Variants in PHACTR4 observed in about 807,000 individuals in gnomAD.
The protein encoded by PHACTR4 is protein phosphatase 1, regulatory subunit 124.
In PHACTR4, 51 loss-of-function variants were observed where a neutral mutation model predicts 72.7. The observed-to-expected ratio is 0.70, with a 90% confidence interval of 0.56 to 0.89. PHACTR4 has a LOEUF of 0.89. Among genes scored for constraint, PHACTR4 ranks in the 40% least tolerant of loss-of-function variants. The pLI, the probability that PHACTR4 is intolerant of heterozygous loss-of-function variation, is 0.00. For missense variants in PHACTR4, 731 were observed against 861.8 expected (o/e 0.85, Z 1.90); for synonymous variants, 255 against 302.5 (o/e 0.84, Z 1.63).
At chr1:28,461,834 T>G (rs1658825474) in intron 4 of PHACTR4, among the ~76,000 whole-genome samples, 1 of 149,756 alleles carries the variant, frequency 6.7e-6, no homozygotes, top group Non-Finnish European at 1.5e-5. Flanking sequence ...CCAGGTGCTA[T>G]GCGATGTTTT....
At chr1:28,375,798 G>A (rs1049827435) in intron 1 of PHACTR4, among the ~76,000 whole-genome samples, 3 of 152,154 alleles carry the variant, frequency 2.0e-5, no homozygotes, top group African/African-American at 7.2e-5. Context: ...GGCCAGGCGC[G>A]GTGGCTCACG....
At chr1:28,489,004 G>A (rs1660875240) in intron 9 of PHACTR4, among the ~76,000 whole-genome samples, 166 bp from the exon 10 acceptor site, 1 of 152,132 alleles carries the variant, frequency 6.6e-6, no homozygotes, top group African/African-American at 2.4e-5. Flanking sequence ...CACTTTTAAT[G>A]TGAAATTGTT....
intron 2 of PHACTR4, among the ~76,000 whole-genome samples, chr1:28,456,888 A>G (rs1476146957): frequency 6.8e-6 from 1 of 146,908 alleles, no homozygotes; most frequent in Admixed American, 7.2e-5. Flanking sequence ...CCCTGTCTCT[A>G]AAATAACTAG....
rs550379532 is a variant in PHACTR4, at chr1:28,407,078, T to C, written c.-38-332T>C. 3.3e-5 allele frequency among the ~76,000 whole-genome samples: 5 copies of C among 152,228 alleles called. No individual in the cohort carries two copies. The South Asian group carries it at 1.0e-3, about 32-fold the overall frequency. ...TATATTTTAAGACAAAAATTAGCCT[T>C]AAATGTTTTATGATAATCTAGTATT... is the stretch of plus-strand genomic sequence containing the variant. On this transcript the variant is annotated intron_variant, in intron 1 of 13. Transcript: ENST00000373839.
At chr1:28,439,650 T>A (rs1656858417) in intron 2 of PHACTR4, among the ~76,000 whole-genome samples, 1 of 152,152 alleles carries the variant, frequency 6.6e-6, no homozygotes, top group South Asian at 2.1e-4. Flanking sequence ...ATATAAAGAA[T>A]CATCTGGGGC....
At chr1:28,478,185 G>A (rs34532547) in intron 8 of PHACTR4, among the ~76,000 whole-genome samples, 14,423 of 152,098 alleles carry the variant, frequency 0.095, 1,529 homozygotes, top group African/African-American at 0.26. Context: ...TTCACTTAAC[G>A]TAATTGTCCT....
At chr1:28,487,722 TTGTTG>T (rs1660769884) in intron 9 of PHACTR4, among the ~76,000 whole-genome samples, 1 of 114,276 alleles carries the variant, frequency 8.8e-6, no homozygotes, top group African/African-American at 3.7e-5. Context: ...TTGTAGTTTT[TTGTTG>T]TTTTTTTTTT....
intron 2 of PHACTR4, among the ~76,000 whole-genome samples, chr1:28,450,328 C>A (rs1657850989): frequency 6.6e-6 from 1 of 151,072 alleles, no homozygotes; most frequent in Non-Finnish European, 1.5e-5. Context: ...AGAATGGGGC[C>A]ATAGGCCATT....
rs939301762 is a variant in PHACTR4 at position 28,498,004 on chromosome 1, A to T, written c.*1455A>T. Reference sequence around the variant, plus strand: ...GAGCGAGACTCCGTCTCAAAAAAAAAAAAAAAGCCTTAATATTAATGCTAA... The same window carrying T: ...GAGCGAGACTCCGTCTCAAAAAAAATAAAAAAGCCTTAATATTAATGCTAA... On this transcript the variant is annotated 3_prime_UTR_variant, in exon 14 of 14. Transcript: ENST00000373839. 1.3e-5 allele frequency: 2 copies of T among 152,170 alleles called. No homozygotes were observed. The highest frequency in any genetic ancestry group is 2.9e-5 in the Non-Finnish European group (2 of 68,052). 9.4% of individuals were successfully genotyped at this position (152,170 alleles called of 1,614,324 possible). A position where few individuals can be genotyped will look rare whatever the true frequency, so the allele number is the denominator to read the frequency against.
At chr1:28,401,661 C>T (rs956057111) in intron 1 of PHACTR4, among the ~76,000 whole-genome samples, 7 of 151,794 alleles carry the variant, frequency 4.6e-5, no homozygotes, top group Admixed American at 6.6e-5. Flanking sequence ...GCTGGAGTGC[C>T]GTGGTGCAGT....
intron 2 of PHACTR4, among the ~76,000 whole-genome samples, chr1:28,415,260 CA>C (rs535288012): frequency 1.4e-3 from 153 of 110,276 alleles, no homozygotes; most frequent in Non-Finnish European, 1.6e-3. Context: ...GACTCTGTCT[CA>C]AAAAAAAAAA....
chr1:28,424,441 G>C (rs1214506598), intron 2 of PHACTR4, among the ~76,000 whole-genome samples: 1 of 151,994 alleles, frequency 6.6e-6, no homozygotes, highest in East Asian at 1.9e-4. Flanking sequence ...ACAGGTGTGA[G>C]CCACCATATC....
intron 9 of PHACTR4, among the ~76,000 whole-genome samples, chr1:28,488,395 G>C (rs1223419394): frequency 4.6e-5 from 7 of 152,180 alleles, no homozygotes; most frequent in Non-Finnish European, 8.8e-5. Context: ...TACTTGGAAG[G>C]CTGAGGCAGG....
chr1:28,462,349 G>T (rs1042519239), intron 4 of PHACTR4, among the ~76,000 whole-genome samples: 1 of 151,580 alleles, frequency 6.6e-6, no homozygotes, highest in Admixed American at 6.6e-5. Context: ...ACTTTCCATG[G>T]CCTTTCTTTT....
intron 2 of PHACTR4, among the ~76,000 whole-genome samples, chr1:28,422,055 T>C (rs1655544516): frequency 6.6e-6 from 1 of 152,200 alleles, no homozygotes; most frequent in African/African-American, 2.4e-5. Context: ...CATTTTCAGC[T>C]CTCAAAGAGG....
At chr1:28,399,839 C>T (rs948574039) in intron 1 of PHACTR4, among the ~76,000 whole-genome samples, 2 of 152,172 alleles carry the variant, frequency 1.3e-5, no homozygotes, top group African/African-American at 2.4e-5. Flanking sequence ...AAAGGCCTCT[C>T]TGAGGGAGTC....
chr1:28,385,900 C>G (rs560761073), intron 1 of PHACTR4, among the ~76,000 whole-genome samples: 249 of 152,116 alleles, frequency 1.6e-3, no homozygotes, highest in Admixed American at 2.4e-3. Flanking sequence ...CAGACGTAAG[C>G]CACCACGCCC....
At chr1:28,460,031 C>G (rs1658680668) in intron 3 of PHACTR4, among the ~76,000 whole-genome samples, 181 bp from the exon 4 acceptor site, 1 of 152,194 alleles carries the variant, frequency 6.6e-6, no homozygotes, top group South Asian at 2.1e-4. Flanking sequence ...GCTTTCCTGA[C>G]AGCACAGGTT....
intron 1 of PHACTR4, among the ~76,000 whole-genome samples, chr1:28,394,992 C>T (rs1396914306): frequency 6.6e-6 from 1 of 151,376 alleles, no homozygotes; most frequent in Non-Finnish European, 1.5e-5. Flanking sequence ...CAGCTCACTG[C>T]AATCTCTGCC....
Sources: allele counts gnomAD v4.1 joint callset (sites outside exome capture counted in the v4.1 genomes callset), GRCh38; gene constraint gnomAD v4.1.1; transcripts MANE v1.5; gene names NCBI Gene and HGNC (gene_info 2026-07-23, HGNC 2026-07-21).